Variants in DIAPH2 observed in about 807,000 individuals in gnomAD.
DIAPH2 encodes the protein protein diaphanous homolog 2.
A neutral mutation model predicts 92.7 loss-of-function variants in DIAPH2; 35 were observed. That is an observed-to-expected ratio of 0.38 (90% confidence interval 0.29 to 0.50). The LOEUF is 0.50. DIAPH2 is among the 20% of genes least tolerant of loss of function. The pLI, the probability that DIAPH2 is intolerant of heterozygous loss-of-function variation, is 0.94. For missense variants in DIAPH2, 701 were observed against 819.5 expected (o/e 0.86, Z 1.77); for synonymous variants, 301 against 280.4 (o/e 1.07, Z -0.73).
chrX:97,392,765 A>G (rs995572313), intron 25 of DIAPH2, among the ~76,000 whole-genome samples: 1 of 111,947 alleles, frequency 8.9e-6, no homozygotes, highest in Admixed American at 9.5e-5. Context: ...TGCTAGCCAT[A>G]TAATCTCTGA....
intron 26 of DIAPH2, among the ~76,000 whole-genome samples, chrX:97,570,119 TA>T (rs1569426227): frequency 1.9e-3 from 47 of 24,347 alleles, no homozygotes; most frequent in South Asian, 4.4e-3. Flanking sequence ...TATATATATA[TA>T]TATTAGAAGA....
intron 24 of DIAPH2, among the ~76,000 whole-genome samples, chrX:97,367,936 C>G (rs2069398449): frequency 9.0e-6 from 1 of 111,523 alleles, no homozygotes; most frequent in African/African-American, 3.3e-5. Flanking sequence ...GAACTCCTGA[C>G]CTCAGGTGAT....
At chrX:96,716,359 G>A (rs2063950333) in intron 1 of DIAPH2, among the ~76,000 whole-genome samples, 1 of 111,512 alleles carries the variant, frequency 9.0e-6, no homozygotes, top group Non-Finnish European at 1.9e-5. Flanking sequence ...CAAGTGATTT[G>A]AGTATGTACA....
chrX:97,072,959 C>T lies in DIAPH2; in HGVS notation c.2069C>T (p.Ala690Val), dbSNP rs749587316. ...CTTTCAGTTCAAAAGAACGCAGAAGCATTAGAAGAAAAGAAGACTGGGCCT... is the reference window on the plus strand; with the variant it reads ...CTTTCAGTTCAAAAGAACGCAGAAGTATTAGAAGAAAAGAAGACTGGGCCT... ...TQIKVQKNAEALEEKKTGPTK... is the reference protein window; with the variant it reads ...TQIKVQKNAEVLEEKKTGPTK... The change falls in exon 18 of 27, where the codon GCA (alanine) becomes GTA (valine). Residue 690 changes from alanine (A) to valine (V), a missense_variant. Physicochemically the swap from Ala to Val is moderately conservative, Grantham distance 64. Coordinates refer to ENST00000324765, the MANE Select transcript of DIAPH2 (RefSeq NM_006729.5). 115 of 1,195,844 alleles carry T rather than the reference C, an allele frequency of 9.6e-5. No individual in the cohort carries two copies. Among genetic ancestry groups the T allele is most frequent in the Non-Finnish European group, 1.3e-4 (112 of 889,171 alleles).
At chrX:97,494,125 A>G (rs868854344) in intron 26 of DIAPH2, among the ~76,000 whole-genome samples, 1 of 9,641 alleles carries the variant, frequency 1.0e-4, no homozygotes, top group Non-Finnish European at 4.0e-4. Context: ...ATATGTATAT[A>G]TTTGTGTGTG....
At chrX:96,750,413 T>C (rs1486815281) in intron 3 of DIAPH2, among the ~76,000 whole-genome samples, 3 of 111,999 alleles carry the variant, frequency 2.7e-5, no homozygotes, top group Admixed American at 9.5e-5. Flanking sequence ...TTTCAAAATA[T>C]TGTAAATATT....
chrX:97,209,486 T>C (rs1335911019), intron 22 of DIAPH2, among the ~76,000 whole-genome samples: 1 of 111,673 alleles, frequency 9.0e-6, no homozygotes, highest in Non-Finnish European at 1.9e-5. Context: ...CCTATGACTC[T>C]GAATGAAAAA....
chrX:96,744,970 A>G (rs1408128043), intron 3 of DIAPH2, among the ~76,000 whole-genome samples: 4 of 107,138 alleles, frequency 3.7e-5, no homozygotes, highest in African/African-American at 1.4e-4. Flanking sequence ...TCAATACTAT[A>G]TATGTATTTT....
chrX:96,733,456 C>T (rs1239527788), intron 1 of DIAPH2, among the ~76,000 whole-genome samples: 1 of 110,924 alleles, frequency 9.0e-6, no homozygotes, highest in Non-Finnish European at 1.9e-5. Flanking sequence ...GTCAGTGTGA[C>T]TGGAGCTGGG....
intron 23 of DIAPH2, among the ~76,000 whole-genome samples, chrX:97,331,551 A>G (rs1451644147): frequency 1.8e-5 from 2 of 112,288 alleles, no homozygotes; most frequent in Non-Finnish European, 3.8e-5. Flanking sequence ...GTCTGCAAAA[A>G]AATTTTTGTT....
chrX:97,185,455 GTA>G (rs1328942682), intron 22 of DIAPH2, among the ~76,000 whole-genome samples: 286 of 9,114 alleles, frequency 0.031, 33 homozygotes, highest in African/African-American at 0.11. Flanking sequence ...ATATGTGTGT[GTA>G]TATATATATA....
intron 7 of DIAPH2, among the ~76,000 whole-genome samples, chrX:96,914,186 T>C (rs762129284): frequency 2.2e-4 from 24 of 110,999 alleles, no homozygotes; most frequent in African/African-American, 6.5e-4. Context: ...AATGAATGCT[T>C]GCTAGTGGAC....
intron 23 of DIAPH2, among the ~76,000 whole-genome samples, chrX:97,329,938 C>A (rs1004977952): frequency 1.0e-5 from 1 of 99,591 alleles, no homozygotes; most frequent in African/African-American, 3.7e-5. Flanking sequence ...ACACACACAC[C>A]CCACATGCTT....
intron 23 of DIAPH2, among the ~76,000 whole-genome samples, chrX:97,347,039 A>G (rs2069163197): frequency 3.7e-5 from 4 of 108,194 alleles, no homozygotes. Context: ...ATATATGTAT[A>G]CACACACACA....
chrX:96,710,972 T>G, intron 1 of DIAPH2, among the ~76,000 whole-genome samples: 1 of 112,200 alleles, frequency 8.9e-6, no homozygotes, highest in East Asian at 2.8e-4. Flanking sequence ...TCACTTAGAA[T>G]AATTGTCTCC....
At chrX:97,442,282 A>G (rs951734539) in intron 26 of DIAPH2, among the ~76,000 whole-genome samples, 3 of 112,919 alleles carry the variant, frequency 2.7e-5, no homozygotes, top group African/African-American at 9.6e-5. Flanking sequence ...AAATTCAGAC[A>G]TGCTAATGTT....
At chrX:97,185,341 GTATATATATA>G (rs1373981589) in intron 22 of DIAPH2, among the ~76,000 whole-genome samples, 3 of 3,486 alleles carry the variant, frequency 8.6e-4, no homozygotes, top group African/African-American at 4.4e-3. Context: ...ATATATATAT[GTATATATATA>G]TGTGTGTATA....
intron 26 of DIAPH2, among the ~76,000 whole-genome samples, chrX:97,509,976 C>A (rs2070873469): frequency 9.0e-6 from 1 of 111,007 alleles, no homozygotes; most frequent in South Asian, 3.9e-4. Context: ...CATACGTGTG[C>A]ATGTGTCTTT....
chrX:96,918,734 T>G (rs2147784761), intron 9 of DIAPH2, 117 bp downstream of exon 9: 1 of 462,257 alleles, frequency 2.2e-6, no homozygotes, highest in Non-Finnish European at 3.6e-6. Flanking sequence ...ACTAAAATTT[T>G]TTCTGTTGCT....
Sources: gnomAD v4.1 joint callset for allele counts (sites outside exome capture counted in the v4.1 genomes callset) on GRCh38, gnomAD v4.1.1 for gene constraint, MANE v1.5 for transcripts, NCBI Gene and HGNC (gene_info 2026-07-23, HGNC 2026-07-21) for gene names.